The following ADH7 variants were observed in gnomAD, a reference collection of about 807,000 sequenced individuals.
ADH7 encodes all-trans-retinol dehydrogenase [NAD(+)] ADH7.
In ADH7, 41 loss-of-function variants were observed where a neutral mutation model predicts 34.4. That is an observed-to-expected ratio of 1.19 (90% CI 0.93 to 1.55). The LOEUF is 1.55. ADH7 is among the 40% of genes most tolerant of loss of function. The pLI is 0.00. For synonymous variants in ADH7, 180 were observed against 160.9 expected, an observed-to-expected ratio of 1.12 and a Z score of -0.90; for missense variants, 540 against 461.2, an observed-to-expected ratio of 1.17 and a Z score of -1.56.
At chr4:99,420,838 A>T (rs368807101) in intron 5 of ADH7, 45 bp from the exon 6 acceptor site, 2 of 1,589,238 alleles carry the variant, frequency 1.3e-6, no homozygotes, top group African/African-American at 2.7e-5. Context: ...TTAGGGTCAA[A>T]AAGTGAAACC....
intron 5 of ADH7, among the ~76,000 whole-genome samples, chr4:99,423,652 G>GT (rs1721725938): frequency 6.6e-6 from 1 of 152,208 alleles, no homozygotes; most frequent in Admixed American, 6.5e-5. Context: ...TTTTCCACAT[G>GT]TTTTTTGGCT....
intron 7 of ADH7, among the ~76,000 whole-genome samples, chr4:99,417,114 T>G (rs1721538239): frequency 6.6e-6 from 1 of 152,150 alleles, no homozygotes; most frequent in Non-Finnish European, 1.5e-5. Flanking sequence ...CTCTCCCTGC[T>G]TGTGCCCTTT....
chr4:99,425,477 T>C (rs981166362), intron 5 of ADH7, among the ~76,000 whole-genome samples: 1 of 152,026 alleles, frequency 6.6e-6, no homozygotes. Flanking sequence ...CATTACATAG[T>C]GGTAAAGGGA....
chr4:99,413,994 G>A (rs1721463447), intron 8 of ADH7, among the ~76,000 whole-genome samples: 1 of 152,204 alleles, frequency 6.6e-6, no homozygotes, highest in Non-Finnish European at 1.5e-5. Flanking sequence ...TTCAAATAGA[G>A]CTGTGCAGGA....
At chr4:99,413,795 T>A (rs1025857287) in intron 8 of ADH7, among the ~76,000 whole-genome samples, 1 of 152,150 alleles carries the variant, frequency 6.6e-6, no homozygotes, top group Admixed American at 6.6e-5. Context: ...GCGTGGGCAA[T>A]GAGATGAGGG....
At chr4:99,432,521 GT>G in intron 1 of ADH7, 1 of 152,260 alleles carries the variant, frequency 6.6e-6, no homozygotes, top group South Asian at 2.1e-4. Context: ...AATTTTGTGT[GT>G]TGAGAAATAG....
intron 1 of ADH7, among the ~76,000 whole-genome samples, chr4:99,431,278 G>A (rs191276998): frequency 1.7e-3 from 257 of 152,286 alleles, no homozygotes; most frequent in African/African-American, 5.6e-3. Context: ...GCCATATGCA[G>A]AAGATTGAAG....
intron 7 of ADH7, 196 bp from the exon 8 acceptor site, chr4:99,415,812 G>C: frequency 2.3e-6 from 1 of 438,948 alleles, no homozygotes; most frequent in Non-Finnish European, 4.0e-6. Context: ...ATGAGTTCAT[G>C]TCCTTTGCAG....
chr4:99,428,526 C>T lies in ADH7; in HGVS notation c.225G>A (p.Glu75=). The T allele has an allele frequency of 6.2e-7, 1 of 1,613,788 alleles. No homozygotes were observed. The highest frequency in any genetic ancestry group is 8.5e-7 in the Non-Finnish European group (1 of 1,179,852). The change falls in exon 3 of 9, where the codon GAG becomes GAA. Residue 75 remains glutamate (E), a synonymous_variant. Coordinates refer to ENST00000437033, the MANE Select transcript of ADH7 (RefSeq NM_000673.7). ...IVGHEATGIV[E]SIGEGVTTVK... ...CTGTAGTCACTCCTTCTCCAATGCT[C>T]TCTACAATCCCAGTTGCCTCATGTC...
At chr4:99,428,757 ACT>A in intron 2 of ADH7, 127 bp from the exon 3 acceptor site, 1 of 1,224,580 alleles carries the variant, frequency 8.2e-7, no homozygotes, top group South Asian at 1.5e-5. Context: ...AACAACATTT[ACT>A]CTTAGACTAT....
chr4:99,427,690 T>C, intron 5 of ADH7, 83 bp downstream of exon 5: 1 of 1,085,668 alleles, frequency 9.2e-7, no homozygotes, highest in Non-Finnish European at 1.2e-6. Flanking sequence ...GTTTTTTTTT[T>C]TTCCAAAACT....
At position 99,418,868 on chromosome 4, in the gene ADH7, T is replaced by C. The variant is rs1207762062; in HGVS notation, c.961+118A>G. 6.5e-6 allele frequency: 8 copies of C among 1,223,172 alleles called. No homozygotes were observed. The Admixed American group carries it at 1.2e-4, about 19-fold the overall frequency. 75.8% of individuals were successfully genotyped at this position (1,223,172 alleles called of 1,614,324 possible). A position where few individuals can be genotyped will look rare whatever the true frequency, so the allele number is the denominator to read the frequency against. ...TTGTGTTATTATGATCACAGTTCCATTTTAGATCACTTCATACTCATTCTT... is the reference window on the plus strand; with the variant it reads ...TTGTGTTATTATGATCACAGTTCCACTTTAGATCACTTCATACTCATTCTT... On this transcript the variant is annotated intron_variant, in intron 7 of 8. Transcript: ENST00000437033.
chr4:99,420,489 T>C (rs1721621394), intron 6 of ADH7, 44 bp downstream of exon 6: 1 of 1,586,630 alleles, frequency 6.3e-7, no homozygotes, highest in Admixed American at 1.7e-5. Flanking sequence ...TGTGCATGTC[T>C]AATAACTTGG....
At position 99,420,541 on chromosome 4, in the gene ADH7, C is replaced by T. The variant is rs1721623325; in HGVS notation, c.817G>A (p.Glu273Lys). The T allele has an allele frequency of 1.2e-6, 2 of 1,612,726 alleles. No homozygotes were observed. Among genetic ancestry groups the T allele is most frequent in the Non-Finnish European group, 1.7e-6 (2 of 1,179,026 alleles). Residue 273 changes from glutamate (E) to lysine (K), a missense_variant, in exon 6 of 9, where the codon GAA becomes AAA. Glu to Lys is a moderately conservative substitution (Grantham distance 56, BLOSUM62 1). Coordinates refer to ENST00000437033, the MANE Select transcript of ADH7 (RefSeq NM_000673.7). ...CAAATTTTGGGTCTTACCATGGTTT[C>T]AAGATGCCCAATAACTTCAAAGGTG... ...GYTFEVIGHL[E>K]TMIDALASCH...
intron 5 of ADH7, among the ~76,000 whole-genome samples, chr4:99,422,268 G>A (rs963279391): frequency 3.3e-5 from 5 of 152,150 alleles, no homozygotes; most frequent in South Asian, 2.1e-4. Context: ...GGCCATCAAT[G>A]ATATACTGGA....
rs1214259552 is a variant in ADH7 at position 99,415,607 on chromosome 4, CT to C, written c.970del (p.Ser324AlafsTer8). On this transcript the variant is annotated frameshift_variant, in exon 8 of 9. Coordinates refer to ENST00000437033, the MANE Select transcript of ADH7 (RefSeq NM_000673.7). LOFTEE classifies it high-confidence loss of function. ...WKGCVFGGLK[S>X]RDDVPKLVTE... ...CACTAGTTTTGGGACATCATCTCTG[CT>C]TTTCAAACCTGCAAATAAGCACACA... 6.2e-7 allele frequency: 1 copy of C among 1,612,370 alleles called. No individual in the cohort carries two copies. Among genetic ancestry groups the C allele is most frequent in the Non-Finnish European group, 8.5e-7 (1 of 1,179,292 alleles).
At chr4:99,434,936 G>A (rs976307315) in intron 1 of ADH7, 3 of 1,185,846 alleles carry the variant, frequency 2.5e-6, no homozygotes, top group Non-Finnish European at 3.6e-6. Context: ...CAGCTATCCG[G>A]AAATCAAATT....
At chr4:99,420,508 T>A (rs750609334) in intron 6 of ADH7, 25 bp downstream of exon 6, 1 of 1,606,116 alleles carries the variant, frequency 6.2e-7, no homozygotes, top group South Asian at 1.1e-5. Flanking sequence ...GGGTATTTTG[T>A]GGCTTCTCAA....
In ADH7 at chr4:99,415,470, A is replaced by T; in HGVS notation, c.1100+8T>A. 6.2e-7 allele frequency: 1 copy of T among 1,608,770 alleles called. No homozygotes were observed. Among genetic ancestry groups the T allele is most frequent in the Non-Finnish European group, 8.5e-7 (1 of 1,177,744 alleles). ...AGAAGAGACAAGATCATCATAAGAA[A>T]CAGTTACCTTTGTCCTGAATTGAGC... is the stretch of plus-strand genomic sequence containing the variant. On this transcript the variant is annotated splice_region_variant and intron_variant, in intron 8 of 8. Coordinates refer to ENST00000437033, the MANE Select transcript of ADH7 (RefSeq NM_000673.7).
Sources: allele counts gnomAD v4.1 joint callset (sites outside exome capture counted in the v4.1 genomes callset), GRCh38; gene constraint gnomAD v4.1.1; transcripts MANE v1.5; gene names NCBI Gene and HGNC (gene_info 2026-07-23, HGNC 2026-07-21).